Variants in PPL observed in about 807,000 individuals in gnomAD.
PPL encodes the protein 190 kDa paraneoplastic pemphigus antigen.
Under a neutral mutation model 194.4 loss-of-function variants are expected in PPL, and 198 were observed. The ratio of observed to expected loss-of-function variants is 1.02; its 90% CI spans 0.91 to 1.15. PPL has a LOEUF of 1.15. Among genes scored for constraint, PPL ranks in the 50% most tolerant of loss-of-function variants. PPL has a pLI of 0.00. For synonymous variants in PPL, 1,220 were observed against 972.4 expected (o/e 1.25, Z -4.74); for missense variants, 2,885 against 2,294.8 (o/e 1.26, Z -5.25).
At chr16:4,910,175 G>C (rs749782823) in intron 2 of PPL, among the ~76,000 whole-genome samples, 9 of 152,174 alleles carry the variant, frequency 5.9e-5, no homozygotes, top group Non-Finnish European at 1.2e-4. Context: ...GTTACAGAAA[G>C]GGAAACTGAG....
chr16:4,883,148 C>A lies in PPL; in HGVS notation c.*236G>T. 1.8e-6 allele frequency: 1 copy of A among 545,300 alleles called. No individual in the cohort carries two copies. Among genetic ancestry groups the A allele is most frequent in the Non-Finnish European group, 3.3e-6 (1 of 307,592 alleles). 33.8% of individuals were successfully genotyped at this position (545,300 alleles called of 1,614,324 possible). On this transcript the variant is annotated 3_prime_UTR_variant, in exon 22 of 22. Coordinates refer to ENST00000345988, the MANE Select transcript of PPL (RefSeq NM_002705.5). This position sits in a 1 kb window ranked among gnomAD's most constrained non-coding sequence, Gnocchi z 4.8. ...GGGAGGAAAAGGCATCGCAGTTGTCCAGTCATTGGAGGATGAAGTACGTCA... is the reference window on the plus strand; with the variant it reads ...GGGAGGAAAAGGCATCGCAGTTGTCAAGTCATTGGAGGATGAAGTACGTCA...
chr16:4,931,945 G>A (rs187072699), intron 1 of PPL, among the ~76,000 whole-genome samples: 1 of 152,330 alleles, frequency 6.6e-6, no homozygotes, highest in Admixed American at 6.5e-5. Context: ...AAGGGATGGA[G>A]GGGCAAAGCT....
At chr16:4,925,955 G>A (rs964814230) in intron 1 of PPL, among the ~76,000 whole-genome samples, 9 of 152,166 alleles carry the variant, frequency 5.9e-5, no homozygotes, top group African/African-American at 1.9e-4. Context: ...CCCAGTGGTT[G>A]GTTGGGTAAG....
chr16:4,888,815 G>C (rs1481573949), intron 19 of PPL, 163 bp downstream of exon 19: 1 of 699,700 alleles, frequency 1.4e-6, no homozygotes, highest in Non-Finnish European at 2.6e-6. Flanking sequence ...GTACCATGCT[G>C]TTTTCCCAAA....
At chr16:4,900,703 G>T in intron 6 of PPL, 127 bp downstream of exon 6, 2 of 1,317,088 alleles carry the variant, frequency 1.5e-6, no homozygotes, top group Non-Finnish European at 2.1e-6. Context: ...CTCCCAAAGT[G>T]CTAGGCGTGA....
intron 1 of PPL, among the ~76,000 whole-genome samples, chr16:4,924,872 T>C (rs1361104694): frequency 6.6e-6 from 1 of 152,158 alleles, no homozygotes; most frequent in African/African-American, 2.4e-5. Flanking sequence ...TTTAGCAACA[T>C]CGGAGGGGCC....
At chr16:4,919,705 G>T (rs1260643401) in intron 1 of PPL, among the ~76,000 whole-genome samples, 1 of 152,180 alleles carries the variant, frequency 6.6e-6, no homozygotes, top group East Asian at 1.9e-4. Flanking sequence ...TGAGGCAGGA[G>T]CATCTCTTGA....
intron 1 of PPL, among the ~76,000 whole-genome samples, chr16:4,924,226 C>T (rs192207957): frequency 6.6e-6 from 1 of 152,162 alleles, no homozygotes; most frequent in African/African-American, 2.4e-5. Context: ...TTTTATTTAA[C>T]CTAATATATC....
intron 2 of PPL, among the ~76,000 whole-genome samples, chr16:4,910,096 C>G (rs948223881): frequency 6.6e-6 from 1 of 152,136 alleles, no homozygotes; most frequent in Non-Finnish European, 1.5e-5. Context: ...ACCATTCCAG[C>G]GGCTCGTGAG....
rs962068784 is a variant in PPL, at chr16:4,902,940, C to T, written c.318-414G>A. Among the ~76,000 whole-genome samples the T allele has an allele frequency of 3.3e-5, 5 of 152,200 alleles. No individual in the cohort carries two copies. The highest frequency in any genetic ancestry group is 4.8e-5 in the African/African-American group (2 of 41,446). ...CTGACCTCAGGTGATCCGTCCGCTT[C>T]GGCCTCCCGAAGTGCTGGGATCACA... On this transcript the variant is annotated intron_variant, in intron 3 of 21. Coordinates refer to ENST00000345988, the MANE Select transcript of PPL (RefSeq NM_002705.5). The surrounding 1 kb of genome is among the most constrained non-coding windows in gnomAD (Gnocchi z 4.0).
chr16:4,925,098 G>A (rs1309010232), intron 1 of PPL, among the ~76,000 whole-genome samples: 3 of 152,184 alleles, frequency 2.0e-5, no homozygotes, highest in Non-Finnish European at 4.4e-5. Flanking sequence ...GTGTATTGGG[G>A]TTGCATTGCT....
At position 4,890,841 on chromosome 16, in the gene PPL, C is replaced by A. The variant is rs756277869; in HGVS notation, c.2049G>T (p.Ser683=). ...EQNLQAAKQC[S]STLASRFQEH... ...CCTGGAAGCGGCTGGCCAGTGTGCT[C>A]GAGCACTGCTTGGCCGCCTGCAAGT... is the stretch of plus-strand genomic sequence containing the variant. The change falls in exon 17 of 22, where the codon TCG becomes TCT. Residue 683 remains serine (S), a synonymous_variant. Coordinates refer to ENST00000345988, the MANE Select transcript of PPL (RefSeq NM_002705.5). 1 of 1,573,046 alleles carries A rather than the reference C, an allele frequency of 6.4e-7. No homozygotes were observed. The highest frequency in any genetic ancestry group is 2.4e-5 in the East Asian group (1 of 42,394).
Position 4,884,807 on chromosome 16 carries a change from T to G in PPL, c.3848A>C (p.Lys1283Thr). ...KKEIQALKDT[K>T]PQVQTKEVVQ... ...CACCTCTTTGGTCTGGACCTGGGGT[T>G]TGGTGTCTTTCAGGGCCTGGATTTC... Residue 1283 changes from lysine to threonine, a missense_variant, in exon 22 of 22, where the codon AAA (lysine) becomes ACA (threonine). Transcript: ENST00000345988. The surrounding 1 kb of genome is among the most constrained non-coding windows in gnomAD (Gnocchi z 5.7). 6.2e-7 allele frequency: 1 copy of G among 1,614,126 alleles called. No homozygotes were observed. The highest frequency in any genetic ancestry group is 2.2e-5 in the East Asian group (1 of 44,868).
intron 1 of PPL, among the ~76,000 whole-genome samples, chr16:4,913,261 A>C (rs990821213): frequency 2.0e-5 from 3 of 152,118 alleles, no homozygotes; most frequent in African/African-American, 7.2e-5. Flanking sequence ...GGAGTTAGTT[A>C]AGACTTTGGC....
At chr16:4,928,332 G>A (rs1027329363) in intron 1 of PPL, among the ~76,000 whole-genome samples, 4 of 152,246 alleles carry the variant, frequency 2.6e-5, no homozygotes, top group African/African-American at 9.6e-5. Flanking sequence ...GCCTCCCAGA[G>A]TGTTGGGATT....
rs1471944463 is a variant in PPL, at chr16:4,888,944, T to C, written c.2397+34A>G. ...GGGCACGGTGGAATAAGACCCCTGC[T>C]GTTTGTGCTTTGGGCGGAAGTTTCC... On this transcript the variant is annotated intron_variant, in intron 19 of 21. Transcript: ENST00000345988. 2.5e-6 allele frequency: 4 copies of C among 1,597,112 alleles called. No individual in the cohort carries two copies. In the East Asian group the frequency reaches 6.7e-5, roughly 27 times the overall value.
rs767338999 is a variant in PPL, at chr16:4,891,822, G to T, written c.1957C>A (p.Gln653Lys). Residue 653 changes from glutamine (Q) to lysine (K), a missense_variant, in exon 16 of 22, where the codon CAG (glutamine) becomes AAG (lysine). Gln to Lys is a moderately conservative substitution (Grantham distance 53, BLOSUM62 1). Coordinates refer to ENST00000345988, the MANE Select transcript of PPL (RefSeq NM_002705.5). The part of the protein sequence containing the change: ...ESSRVLDSKG[Q>K]ELAAMACELQ... ...GGCCCTAGACTCACCGCCAGCTCCT[G>T]CCCCTTGCTGTCCAGGACACGGCTG... 1.4e-5 allele frequency: 22 copies of T among 1,611,290 alleles called. No individual in the cohort carries two copies. The highest frequency in any genetic ancestry group is 1.6e-4 in the Middle Eastern group (1 of 6,070).
chr16:4,928,395 T>A (rs891677846), intron 1 of PPL, among the ~76,000 whole-genome samples: 1 of 152,172 alleles, frequency 6.6e-6, no homozygotes, highest in South Asian at 2.1e-4. Context: ...CCCAGACACT[T>A]TGAGAGGGCT....
intron 21 of PPL, among the ~76,000 whole-genome samples, chr16:4,886,868 C>T (rs1467971925): frequency 6.6e-6 from 1 of 152,230 alleles, no homozygotes; most frequent in Non-Finnish European, 1.5e-5. Context: ...ATCCGCCTGC[C>T]TCGGCCTCCC....
Sources: allele counts gnomAD v4.1 joint callset (sites outside exome capture counted in the v4.1 genomes callset), GRCh38; gene constraint gnomAD v4.1.1; non-coding constraint Gnocchi (gnomAD v3.1); transcripts MANE v1.5; gene names NCBI Gene and HGNC (gene_info 2026-07-23, HGNC 2026-07-21).